LRRC3: variants seen among roughly 807,000 people sequenced by gnomAD.
LRRC3 encodes leucine rich repeat containing 3, also known as leucine-rich repeat-containing protein 3.
For missense variants in LRRC3, 351 were observed against 361.6 expected (o/e 0.97, Z 0.24); for synonymous variants, 172 against 164.1 (o/e 1.05, Z -0.37).
rs1431556462 is a variant in LRRC3 at position 44,456,983 on chromosome 21, G to C, written c.339G>C (p.Gly113=). 5.6e-6 allele frequency: 9 copies of C among 1,607,048 alleles called. No individual in the cohort carries two copies. Among genetic ancestry groups the C allele is most frequent in the Non-Finnish European group, 7.6e-6 (9 of 1,179,866 alleles). The change falls in exon 2 of 2, where the codon GGG becomes GGC. Residue 113 remains glycine, a synonymous_variant. Coordinates refer to ENST00000291592, the MANE Select transcript of LRRC3 (RefSeq NM_030891.6). The part of the protein sequence containing the change: ...IGSATFAGLA[G]GLRLLDLSYN... ...CCGCCACCTTCGCGGGCCTGGCCGG[G>C]GGCCTGCGGCTGCTGGACCTGTCTT...
At position 44,457,571 on chromosome 21, in the gene LRRC3, G is replaced by A. The variant is rs1052445668; in HGVS notation, c.*153G>A. 1.2e-6 allele frequency: 1 copy of A among 839,212 alleles called. No individual in the cohort carries two copies. 52.0% of individuals were successfully genotyped at this position (839,212 alleles called of 1,614,324 possible). ...CACAGCAGCACCTCCAGGCTGGGTG[G>A]TTTTGCCACACATCCGTGTGACGGA... On this transcript the variant is annotated 3_prime_UTR_variant, in exon 2 of 2. Coordinates refer to ENST00000291592, the MANE Select transcript of LRRC3 (RefSeq NM_030891.6).
At position 44,457,482 on chromosome 21, in the gene LRRC3, C is replaced by T. The variant is rs1441411065; in HGVS notation, c.*64C>T. Reference sequence around the variant, plus strand: ...CTTTTGTAGTAGGTGGTGACTGATGCTGCTTTTGCTCTTCCCTGAGGCAGG... The same window carrying T: ...CTTTTGTAGTAGGTGGTGACTGATGTTGCTTTTGCTCTTCCCTGAGGCAGG... On this transcript the variant is annotated 3_prime_UTR_variant, in exon 2 of 2. Coordinates refer to ENST00000291592, the MANE Select transcript of LRRC3 (RefSeq NM_030891.6). 2.7e-6 allele frequency: 4 copies of T among 1,498,966 alleles called. No individual in the cohort carries two copies. Among genetic ancestry groups the T allele is most frequent in the Admixed American group, 4.3e-5 (2 of 46,908 alleles). 92.9% of individuals were successfully genotyped at this position (1,498,966 alleles called of 1,614,324 possible).
chr21:44,457,374 C>A lies in LRRC3; in HGVS notation c.730C>A (p.Pro244Thr). 1 of 1,603,460 alleles carries A rather than the reference C, an allele frequency of 6.2e-7. No homozygotes were observed. Residue 244 changes from proline to threonine, a missense_variant, in exon 2 of 2, where the codon CCC (proline) becomes ACC (threonine). By Grantham distance (38) the Pro-to-Thr change is conservative (BLOSUM62 -1). Coordinates refer to ENST00000291592, the MANE Select transcript of LRRC3 (RefSeq NM_030891.6). ...GCACCTGGAGTACCTGAAGTCTCTG[C>A]CCAGCGCCCCCGCCTCCAAGGACCC... is the stretch of plus-strand genomic sequence containing the variant. ...RRHLEYLKSL[P>T]SAPASKDPIG...
chr21:44,456,543 G>T lies in LRRC3; in HGVS notation c.-102G>T. ...CTGCTTCTCCCAGCGGGGCAGGATG[G>T]CGGTTTCATGTCTGGTTGGATAAGG... On this transcript the variant is annotated 5_prime_UTR_variant, in exon 2 of 2. Transcript: ENST00000291592. 8.0e-7 allele frequency: 1 copy of T among 1,256,488 alleles called. No homozygotes were observed. The highest frequency in any genetic ancestry group is 1.1e-6 in the Non-Finnish European group (1 of 908,810). 77.8% of individuals were successfully genotyped at this position (1,256,488 alleles called of 1,614,324 possible).
chr21:44,456,991 G>A lies in LRRC3; in HGVS notation c.347G>A (p.Arg116Gln), dbSNP rs142966230. The change falls in exon 2 of 2, where the codon CGG becomes CAG. Residue 116 changes from arginine to glutamine, a missense_variant. Coordinates refer to ENST00000291592, the MANE Select transcript of LRRC3 (RefSeq NM_030891.6). ...ATFAGLAGGLRLLDLSYNRIQ... is the reference protein window; with the variant it reads ...ATFAGLAGGLQLLDLSYNRIQ... ...TTCGCGGGCCTGGCCGGGGGCCTGC[G>A]GCTGCTGGACCTGTCTTACAACCGC... is the stretch of plus-strand genomic sequence containing the variant. 6.8e-6 allele frequency: 11 copies of A among 1,606,540 alleles called. No homozygotes were observed. In the African/African-American group the frequency reaches 1.1e-4, roughly 16 times the overall value.
rs1601287806 is a variant in LRRC3 at position 44,455,533 on chromosome 21, T to C, written c.-270T>C. On this transcript the variant is annotated 5_prime_UTR_variant, in exon 1 of 2. Transcript: ENST00000291592. Reference sequence around the variant, plus strand: ...CCGGAGTCGCGGCCTCCCCAGCTAGTGGTCGCGGGCGCGGTCGCAGGGGCA... The same window carrying C: ...CCGGAGTCGCGGCCTCCCCAGCTAGCGGTCGCGGGCGCGGTCGCAGGGGCA... 6.6e-6 allele frequency: 1 copy of C among 150,950 alleles called. No individual in the cohort carries two copies. Among genetic ancestry groups the C allele is most frequent in the African/African-American group, 2.4e-5 (1 of 41,142 alleles). The allele number at this position is 150,950 out of a possible 1,614,324, so 9.4% of individuals were successfully genotyped here.
chr21:44,456,367 T>C (rs974836749), intron 1 of LRRC3, 131 bp from the exon 2 acceptor site: 5 of 468,064 alleles, frequency 1.1e-5, no homozygotes, highest in Non-Finnish European at 1.9e-5. Context: ...GGAGGCGTGC[T>C]CCCCACCCCA....
In LRRC3 at chr21:44,459,988, A is replaced by G. The variant is rs540090200; in HGVS notation, c.*2570A>G. The G allele has an allele frequency of 5.9e-5, 9 of 152,502 alleles. No homozygotes were observed. Among genetic ancestry groups the G allele is most frequent in the African/African-American group, 1.9e-4 (8 of 41,466 alleles). The allele number at this position is 152,502 out of a possible 1,614,324, so 9.4% of individuals were successfully genotyped here. A position where few individuals can be genotyped will look rare whatever the true frequency, so the allele number is the denominator to read the frequency against. On this transcript the variant is annotated 3_prime_UTR_variant, in exon 2 of 2. Coordinates refer to ENST00000291592, the MANE Select transcript of LRRC3 (RefSeq NM_030891.6). ...TTACTGTGCCCCCTGCCCCACCAAC[A>G]TAGGTGAAAGCACCTCCCCTCTAAG...
rs746859504 is a variant in LRRC3, at chr21:44,457,301, C to T, written c.657C>T (p.Ile219=). The T allele has an allele frequency of 3.2e-5, 52 of 1,613,590 alleles. No homozygotes were observed. Among genetic ancestry groups the T allele is most frequent in the Middle Eastern group, 1.6e-4 (1 of 6,084 alleles). Residue 219 remains isoleucine (I), a synonymous_variant, in exon 2 of 2, where the codon ATC becomes ATT. Transcript: ENST00000291592. ...VTMFGWFAMV[I]AYVVYYVRHN... ...TGTTCGGCTGGTTCGCCATGGTGAT[C>T]GCCTACGTCGTGTACTATGTGCGCC...
intron 1 of LRRC3, among the ~76,000 whole-genome samples, 155 bp downstream of exon 1, chr21:44,455,810 C>A (rs1180735307): frequency 6.6e-6 from 1 of 152,060 alleles, no homozygotes; most frequent in Admixed American, 6.5e-5. Context: ...GAGCCTCTCC[C>A]GGCCGGCTCC....
In LRRC3 at chr21:44,457,152, A is replaced by G. The variant is rs754330819; in HGVS notation, c.508A>G (p.Ile170Val). The G allele has an allele frequency of 8.7e-6, 14 of 1,613,242 alleles. No individual in the cohort carries two copies. Among genetic ancestry groups the G allele is most frequent in the Non-Finnish European group, 1.2e-5 (14 of 1,180,014 alleles). Residue 170 changes from isoleucine to valine, a missense_variant, in exon 2 of 2, where the codon ATC becomes GTC. Transcript: ENST00000291592. The part of the protein sequence containing the change: ...LKLDPDSVDE[I>V]ACHTSVQEEF... ...GCTGGACCCCGACTCTGTGGACGAG[A>G]TCGCCTGCCACACCTCAGTGCAGGA...
intron 1 of LRRC3, among the ~76,000 whole-genome samples, chr21:44,456,025 G>T (rs1278700090): frequency 2.6e-5 from 4 of 152,226 alleles, no homozygotes; most frequent in African/African-American, 9.6e-5. Context: ...CCAGGCGTTG[G>T]CTGCTGGAGT....
At position 44,457,435 on chromosome 21, in the gene LRRC3, C is replaced by T. The variant is rs768748576; in HGVS notation, c.*17C>T. 5.2e-6 allele frequency: 8 copies of T among 1,548,828 alleles called. No individual in the cohort carries two copies. In the East Asian group the frequency reaches 1.6e-4, roughly 31 times the overall value. On this transcript the variant is annotated 3_prime_UTR_variant, in exon 2 of 2. Transcript: ENST00000291592. The stretch of plus-strand genomic sequence containing the variant: ...GGGCCCTAGCGCCTGTTCCGGCAGA[C>T]CCCCGCCGGTGGCTGCTGTCACTTT...
rs1208047665 is a variant in LRRC3, at chr21:44,459,089, C to T, written c.*1671C>T. 6.6e-6 allele frequency: 1 copy of T among 152,328 alleles called. No individual in the cohort carries two copies. The highest frequency in any genetic ancestry group is 1.5e-5 in the Non-Finnish European group (1 of 68,062). The allele number at this position is 152,328 out of a possible 1,614,324, so 9.4% of individuals were successfully genotyped here. A position where few individuals can be genotyped will look rare whatever the true frequency, so the allele number is the denominator to read the frequency against. ...AGGCAGCCCCAGGCTCCGCCTGCTT[C>T]CCTCACGCCACGCTGCCTGAGTGTC... On this transcript the variant is annotated 3_prime_UTR_variant, in exon 2 of 2. Coordinates refer to ENST00000291592, the MANE Select transcript of LRRC3 (RefSeq NM_030891.6).
Position 44,457,236 on chromosome 21 carries a change from G to C in LRRC3, c.592G>C (p.Val198Leu), listed in dbSNP as rs764394212. 1.2e-6 allele frequency: 2 copies of C among 1,613,940 alleles called. No homozygotes were observed. ...ALDAGASLCS[V>L]PHRTTDVAML... is the part of the protein sequence containing the mutation. ...GGATGCGGGTGCCAGCCTCTGCAGC[G>C]TCCCCCACAGGACCACAGACGTGGC... Residue 198 changes from valine (V) to leucine (L), a missense_variant, in exon 2 of 2, where the codon GTC becomes CTC. Val to Leu is a conservative substitution (Grantham distance 32). Transcript: ENST00000291592.
rs537826853 is a variant in LRRC3, at chr21:44,456,495, C to T, written c.-147-3C>T. On this transcript the variant is annotated splice_polypyrimidine_tract_variant and splice_region_variant and intron_variant, in intron 1 of 1. Coordinates refer to ENST00000291592, the MANE Select transcript of LRRC3 (RefSeq NM_030891.6). Reference sequence around the variant, plus strand: ...CCGCTCCCTCCTGCGTCTTCCCTTTCAGAGCTGCCAGAGTGGACTGCACTG... The same window carrying T: ...CCGCTCCCTCCTGCGTCTTCCCTTTTAGAGCTGCCAGAGTGGACTGCACTG... The T allele has an allele frequency of 2.2e-5, 18 of 835,804 alleles. No individual in the cohort carries two copies. The highest frequency in any genetic ancestry group is 4.8e-4 in the Middle Eastern group (2 of 4,190). 51.8% of individuals were successfully genotyped at this position (835,804 alleles called of 1,614,324 possible).
chr21:44,457,367 GTCTCT>G lies in LRRC3; in HGVS notation c.724_728del (p.Ser242AlafsTer31). On this transcript the variant is annotated frameshift_variant, in exon 2 of 2. Coordinates refer to ENST00000291592, the MANE Select transcript of LRRC3 (RefSeq NM_030891.6). LOFTEE classifies it high-confidence loss of function. The stretch of plus-strand genomic sequence containing the variant: ...CCCGGAGGCACCTGGAGTACCTGAA[GTCTCT>G]GCCCAGCGCCCCCGCCTCCAAGGAC... 6.2e-7 allele frequency: 1 copy of G among 1,607,420 alleles called. No homozygotes were observed. Among genetic ancestry groups the G allele is most frequent in the Non-Finnish European group, 8.5e-7 (1 of 1,175,344 alleles).
chr21:44,456,437 C>T (rs2051700232), intron 1 of LRRC3, 61 bp from the exon 2 acceptor site: 2 of 589,300 alleles, frequency 3.4e-6, no homozygotes, highest in South Asian at 4.4e-5. Flanking sequence ...CAGGTGACCG[C>T]AGCCGGCAGT....
At chr21:44,456,470 C>T in intron 1 of LRRC3, 28 bp from the exon 2 acceptor site, 1 of 688,682 alleles carries the variant, frequency 1.5e-6, no homozygotes, top group South Asian at 1.9e-5. Flanking sequence ...CCCTCCCTCT[C>T]CGCTCCCTCC....
Sources: allele counts gnomAD v4.1 joint callset (sites outside exome capture counted in the v4.1 genomes callset), GRCh38; gene constraint gnomAD v4.1.1; transcripts MANE v1.5; gene names NCBI Gene and HGNC (gene_info 2026-07-23, HGNC 2026-07-21).